Variants in MAPKAPK3 observed in about 807,000 individuals in gnomAD.
MAPKAPK3 encodes the protein MAPK activated protein kinase 3, also known as MAP kinase-activated protein kinase 3.
A neutral mutation model predicts 49.2 loss-of-function variants in MAPKAPK3; 35 were observed. That is an observed-to-expected ratio of 0.71 (90% CI 0.54 to 0.94). The LOEUF is 0.94. Ranked by LOEUF, MAPKAPK3 falls within the 40% of genes least tolerant of loss-of-function variation. The pLI is 0.00. For synonymous variants in MAPKAPK3, 178 were observed against 188.7 expected, an observed-to-expected ratio of 0.94 and a Z score of 0.46; for missense variants, 398 against 493.1, an observed-to-expected ratio of 0.81 and a Z score of 1.83.
intron 5 of MAPKAPK3, among the ~76,000 whole-genome samples, chr3:50,643,644 G>C (rs181655147): frequency 1.6e-3 from 238 of 152,264 alleles, no homozygotes; most frequent in Non-Finnish European, 1.9e-3. Context: ...CTGCAGAGGA[G>C]ATTCCCTTGA....
At chr3:50,619,350 G>A (rs1347536833) in intron 2 of MAPKAPK3, among the ~76,000 whole-genome samples, 1 of 152,180 alleles carries the variant, frequency 6.6e-6, no homozygotes, top group African/African-American at 2.4e-5. Context: ...CATGCGGGTG[G>A]GTCTAGGAGA....
At chr3:50,633,186 A>G (rs1051467661) in intron 2 of MAPKAPK3, among the ~76,000 whole-genome samples, 6 of 151,972 alleles carry the variant, frequency 3.9e-5, no homozygotes, top group Admixed American at 2.0e-4. Context: ...AGACCCCCCA[A>G]TGTTTCTTGG....
intron 2 of MAPKAPK3, among the ~76,000 whole-genome samples, chr3:50,632,272 A>G (rs2032933386): frequency 6.6e-6 from 1 of 152,232 alleles, no homozygotes; most frequent in South Asian, 2.1e-4. Flanking sequence ...CATGGGGGTA[A>G]TAAAAGCAGC....
intron 7 of MAPKAPK3, 115 bp from the exon 8 acceptor site, chr3:50,646,025 T>A: frequency 2.2e-6 from 3 of 1,345,044 alleles, no homozygotes; most frequent in Non-Finnish European, 3.1e-6. Flanking sequence ...GGAGGGCTGG[T>A]ATTATTGCTA....
intron 2 of MAPKAPK3, among the ~76,000 whole-genome samples, chr3:50,619,182 A>T (rs1361783234): frequency 2.6e-5 from 4 of 152,234 alleles, no homozygotes; most frequent in Non-Finnish European, 5.9e-5. Context: ...AGCACTTGGT[A>T]CAGGACCTGA....
upstream of MAPKAPK3, among the ~76,000 whole-genome samples, chr3:50,616,178 C>G (rs1030587676): frequency 6.6e-6 from 1 of 152,220 alleles, no homozygotes; most frequent in African/African-American, 2.4e-5. Context: ...TGAGCCAGCT[C>G]GCTCAGGTCC....
intron 2 of MAPKAPK3, among the ~76,000 whole-genome samples, chr3:50,628,591 G>T (rs1181980736): frequency 6.6e-6 from 1 of 152,156 alleles, no homozygotes; most frequent in African/African-American, 2.4e-5. Context: ...CCAGAACCTG[G>T]ATCTTCTGAG....
intron 2 of MAPKAPK3, among the ~76,000 whole-genome samples, chr3:50,635,274 A>G (rs2033005684): frequency 6.6e-6 from 1 of 152,166 alleles, no homozygotes; most frequent in Non-Finnish European, 1.5e-5. Context: ...GGCTCCCTGG[A>G]AGAGGAGGTA....
chr3:50,628,140 A>C (rs2032807409), intron 2 of MAPKAPK3, among the ~76,000 whole-genome samples: 1 of 152,152 alleles, frequency 6.6e-6, no homozygotes, highest in Non-Finnish European at 1.5e-5. Flanking sequence ...GAGAGAGACC[A>C]GCTGTCATTC....
rs922874516 is a variant in MAPKAPK3, at chr3:50,641,873, C to T, written c.424+102C>T. The T allele has an allele frequency of 6.0e-6, 6 of 1,003,692 alleles. No homozygotes were observed. The Admixed American group carries it at 7.2e-5, about 12-fold the overall frequency. 62.2% of individuals were successfully genotyped at this position (1,003,692 alleles called of 1,614,324 possible). ...CAAGACCCTGTTCCTCTCAGTCTTC[C>T]CATCTGAATAAGAAAGGGTGAGACT... On this transcript the variant is annotated intron_variant, in intron 4 of 10. Coordinates refer to ENST00000621469, the MANE Select transcript of MAPKAPK3 (RefSeq NM_001243925.2).
chr3:50,637,973 C>T (rs921858203), intron 2 of MAPKAPK3, among the ~76,000 whole-genome samples: 4 of 152,108 alleles, frequency 2.6e-5, no homozygotes, highest in Admixed American at 6.6e-5. Flanking sequence ...GCAAGCCCTG[C>T]GTGCTGGGGG....
chr3:50,636,155 A>G (rs1031812847), intron 2 of MAPKAPK3, among the ~76,000 whole-genome samples: 2 of 152,086 alleles, frequency 1.3e-5, no homozygotes, highest in Non-Finnish European at 2.9e-5. Context: ...GCTCTGTGTC[A>G]GGCCCCGTAT....
intron 7 of MAPKAPK3, 55 bp downstream of exon 7, chr3:50,645,840 G>T: frequency 6.5e-7 from 1 of 1,530,636 alleles, no homozygotes; most frequent in Non-Finnish European, 9.0e-7. Flanking sequence ...CCCACTGTGA[G>T]CCCTCAGGAC....
At chr3:50,626,597 A>G (rs2107580046) in intron 2 of MAPKAPK3, among the ~76,000 whole-genome samples, 1 of 152,334 alleles carries the variant, frequency 6.6e-6, no homozygotes, top group Non-Finnish European at 1.5e-5. Flanking sequence ...ATGTGGTAGA[A>G]GGACTGGCAG....
At chr3:50,625,013 G>A (rs1419290426) in intron 2 of MAPKAPK3, among the ~76,000 whole-genome samples, 1 of 152,166 alleles carries the variant, frequency 6.6e-6, no homozygotes, top group African/African-American at 2.4e-5. Flanking sequence ...GCCCCATCTT[G>A]GGGTTGAGAG....
chr3:50,617,713 C>G lies in MAPKAPK3; in HGVS notation c.148C>G (p.Leu50Val). ...CGACTACCAGTTGTCCAAGCAGGTG[C>G]TGGGCCTGGGTGTGAACGGCAAAGT... ...TDDYQLSKQV[L>V]GLGVNGKVLE... The change falls in exon 2 of 11, where the codon CTG (leucine) becomes GTG (valine). Residue 50 changes from leucine (L) to valine (V), a missense_variant. Transcript: ENST00000621469. 1 of 1,613,648 alleles carries G rather than the reference C, an allele frequency of 6.2e-7. No individual in the cohort carries two copies. The highest frequency in any genetic ancestry group is 8.5e-7 in the Non-Finnish European group (1 of 1,179,980).
intron 5 of MAPKAPK3, 37 bp from the exon 6 acceptor site, chr3:50,644,372 C>T (rs2033241498): frequency 6.2e-7 from 1 of 1,611,998 alleles, no homozygotes; most frequent in Non-Finnish European, 8.5e-7. Context: ...CTGCCTGGTT[C>T]CTAACTCCAA....
chr3:50,624,917 G>T (rs1213805314), intron 2 of MAPKAPK3, among the ~76,000 whole-genome samples: 11 of 152,192 alleles, frequency 7.2e-5, no homozygotes, highest in Non-Finnish European at 2.9e-5. Context: ...CATGGCTCCT[G>T]TGAGCACTGG....
At position 50,624,968 on chromosome 3, in the gene MAPKAPK3, A is replaced by G. The variant is rs902765730; in HGVS notation, c.219+7184A>G. The stretch of plus-strand genomic sequence containing the variant: ...ACATTAGTTCTACTGCTCTCCCTCC[A>G]TCTATTGGACATCTTGTGTGGTCCC... On this transcript the variant is annotated intron_variant, in intron 2 of 10. Transcript: ENST00000621469. Among the ~76,000 whole-genome samples, 6 of 152,110 alleles carry G rather than the reference A, an allele frequency of 3.9e-5. No individual in the cohort carries two copies. In the East Asian group the frequency reaches 1.2e-3, roughly 29 times the overall value.
Sources: gnomAD v4.1 joint callset for allele counts (sites outside exome capture counted in the v4.1 genomes callset) on GRCh38, gnomAD v4.1.1 for gene constraint, MANE v1.5 for transcripts, NCBI Gene and HGNC (gene_info 2026-07-23, HGNC 2026-07-21) for gene names.